Variants in LAMA2 observed in about 807,000 individuals in gnomAD.
The protein encoded by LAMA2 is laminin subunit alpha 2.
LAMA2 carries 269 observed loss-of-function variants against 364.8 expected under a neutral mutation model. The observed-to-expected ratio is 0.74, with a 90% confidence interval of 0.67 to 0.82. LAMA2 has a LOEUF of 0.82. LAMA2 is among the 40% of genes least tolerant of loss of function. The pLI is 0.00. For missense variants in LAMA2, 3,807 were observed against 3,873.2 expected, an observed-to-expected ratio of 0.98 and a Z score of 0.45; for synonymous variants, 1,379 against 1,370.6, an observed-to-expected ratio of 1.01 and a Z score of -0.14.
intron 1 of LAMA2, among the ~76,000 whole-genome samples, chr6:129,007,602 T>C (rs546319110): frequency 3.9e-5 from 6 of 152,328 alleles, no homozygotes; most frequent in African/African-American, 1.4e-4. Context: ...AACCAAACCA[T>C]TGTCATGTAC....
intron 35 of LAMA2, among the ~76,000 whole-genome samples, chr6:129,384,726 C>T (rs1053651782): frequency 3.2e-4 from 48 of 152,162 alleles, no homozygotes; most frequent in Non-Finnish European, 2.1e-4. Flanking sequence ...CACCCCAAAT[C>T]CCACGTCTAT....
intron 35 of LAMA2, among the ~76,000 whole-genome samples, chr6:129,386,382 T>C (rs760302604): frequency 6.6e-6 from 1 of 152,054 alleles, no homozygotes; most frequent in Non-Finnish European, 1.5e-5. Context: ...TATGTTTATA[T>C]ATGTCTATAA....
At chr6:129,342,124 G>A (rs893648256) in intron 29 of LAMA2, among the ~76,000 whole-genome samples, 3 of 152,136 alleles carry the variant, frequency 2.0e-5, no homozygotes, top group Admixed American at 6.5e-5. Context: ...GTGTAGCTAC[G>A]ATAGCACAGT....
intron 39 of LAMA2, 61 bp from the exon 40 acceptor site, chr6:129,403,760 A>G: frequency 6.7e-7 from 1 of 1,491,244 alleles, no homozygotes; most frequent in South Asian, 1.1e-5. Context: ...TATAATTAGG[A>G]CGTTCTTCAT....
intron 58 of LAMA2, among the ~76,000 whole-genome samples, chr6:129,498,699 A>AATT (rs1028592766): frequency 1.3e-5 from 2 of 152,218 alleles, no homozygotes; most frequent in Non-Finnish European, 1.5e-5. Flanking sequence ...GAAAGAAGAA[A>AATT]ATTATGCAAT....
At chr6:129,156,916 A>G (rs375859281) in intron 8 of LAMA2, among the ~76,000 whole-genome samples, 1 of 152,116 alleles carries the variant, frequency 6.6e-6, no homozygotes, top group African/African-American at 2.4e-5. Flanking sequence ...CCGGCCACCA[A>G]TATCTTCCTG....
intron 62 of LAMA2, among the ~76,000 whole-genome samples, chr6:129,510,584 T>A (rs896208886): frequency 2.6e-5 from 4 of 152,138 alleles, no homozygotes; most frequent in Non-Finnish European, 4.4e-5. Context: ...AACATAGTTC[T>A]TTCTATCAAG....
At position 129,445,775 on chromosome 6, in the gene LAMA2, C is replaced by T. The variant is rs1336251431; in HGVS notation, c.6383C>T (p.Ser2128Phe). Residue 2128 changes from serine (S) to phenylalanine (F), a missense_variant, in exon 45 of 65, where the codon TCT becomes TTT. Ser to Phe is a radical substitution (Grantham distance 155). Around this residue, in one of 3 missense-constraint regions of LAMA2, gnomAD observed 3,333 missense variants for 3,345.7 expected, o/e 1.00. Transcript: ENST00000421865. ...GAGGATAACCTAAAGAAAAACATCTCTGAGATAAAGGAATTGATAAACCAA... is the reference window on the plus strand; with the variant it reads ...GAGGATAACCTAAAGAAAAACATCTTTGAGATAAAGGAATTGATAAACCAA... ...ELEDNLKKNISEIKELINQAR... is the reference protein window; with the variant it reads ...ELEDNLKKNIFEIKELINQAR... The T allele has an allele frequency of 6.2e-7, 1 of 1,613,752 alleles. No homozygotes were observed. The highest frequency in any genetic ancestry group is 1.7e-5 in the Admixed American group (1 of 60,010).
chr6:129,441,533 A>G (rs1196409601), intron 43 of LAMA2, among the ~76,000 whole-genome samples: 1 of 152,134 alleles, frequency 6.6e-6, no homozygotes, highest in Non-Finnish European at 1.5e-5. Flanking sequence ...TCTAAAGACT[A>G]TTCACATCTC....
intron 3 of LAMA2, among the ~76,000 whole-genome samples, chr6:129,068,243 T>C (rs1351127109): frequency 6.6e-6 from 1 of 152,252 alleles, no homozygotes; most frequent in African/African-American, 2.4e-5. Flanking sequence ...CTTCTTATGA[T>C]AAAACACACT....
intron 41 of LAMA2, among the ~76,000 whole-genome samples, chr6:129,433,634 A>G (rs1167118586): frequency 6.6e-6 from 1 of 152,176 alleles, no homozygotes; most frequent in Non-Finnish European, 1.5e-5. Context: ...GAATAGTCAA[A>G]TTAAACATTT....
intron 12 of LAMA2, among the ~76,000 whole-genome samples, chr6:129,234,108 G>T (rs141861218): frequency 4.6e-4 from 70 of 152,166 alleles, no homozygotes; most frequent in African/African-American, 1.7e-3. Flanking sequence ...ATGGGAGGCC[G>T]GAACAAATTT....
At chr6:129,347,222 C>T (rs537760971) in intron 30 of LAMA2, among the ~76,000 whole-genome samples, 10 of 152,132 alleles carry the variant, frequency 6.6e-5, no homozygotes, top group South Asian at 6.2e-4. Context: ...AGAGGAGACA[C>T]GGTTGACACC....
At chr6:129,299,923 G>A (rs1773445490) in intron 21 of LAMA2, among the ~76,000 whole-genome samples, 1 of 152,010 alleles carries the variant, frequency 6.6e-6, no homozygotes, top group Non-Finnish European at 1.5e-5. Flanking sequence ...CAAGTATTTG[G>A]GTTTCTTCCC....
At chr6:129,206,609 G>C (rs1782695888) in intron 12 of LAMA2, among the ~76,000 whole-genome samples, 1 of 152,130 alleles carries the variant, frequency 6.6e-6, no homozygotes, top group African/African-American at 2.4e-5. Context: ...ATTTTCAGCA[G>C]GGCATGTTGA....
intron 1 of LAMA2, among the ~76,000 whole-genome samples, chr6:129,020,255 C>A (rs1220902202): frequency 6.6e-6 from 1 of 152,162 alleles, no homozygotes; most frequent in East Asian, 1.9e-4. Flanking sequence ...AATCTCCATA[C>A]TTATTCCTGG....
chr6:129,447,937 A>C (rs1782472320), intron 45 of LAMA2, among the ~76,000 whole-genome samples: 1 of 152,240 alleles, frequency 6.6e-6, no homozygotes, highest in Non-Finnish European at 1.5e-5. Flanking sequence ...CCCTCCTCAC[A>C]AAACGGTGAA....
chr6:129,114,626 A>G (rs1304140031), intron 4 of LAMA2, among the ~76,000 whole-genome samples: 1 of 151,910 alleles, frequency 6.6e-6, no homozygotes, highest in Non-Finnish European at 1.5e-5. Context: ...ATGTGCAGAC[A>G]TTTAACATAA....
intron 34 of LAMA2, among the ~76,000 whole-genome samples, chr6:129,381,388 C>T (rs1409102676): frequency 6.6e-6 from 1 of 151,800 alleles, no homozygotes; most frequent in Non-Finnish European, 1.5e-5. Flanking sequence ...TGTCGCCAGG[C>T]TGGAGTGCAG....
Sources: allele counts gnomAD v4.1 joint callset (sites outside exome capture counted in the v4.1 genomes callset), GRCh38; gene constraint gnomAD v4.1.1; regional missense constraint gnomAD v4.1.1; transcripts MANE v1.5; gene names NCBI Gene and HGNC (gene_info 2026-07-23, HGNC 2026-07-21).